GABRA3: variants seen among roughly 807,000 people sequenced by gnomAD.
The protein encoded by GABRA3 is gamma-aminobutyric acid type A receptor subunit alpha3.
A neutral mutation model predicts 30.1 loss-of-function variants in GABRA3; 10 were observed. That is an observed-to-expected ratio of 0.33 (90% confidence interval 0.20 to 0.56). The LOEUF (loss-of-function observed/expected upper bound fraction) is 0.56. Among genes scored for constraint, GABRA3 ranks in the 20% least tolerant of loss-of-function variants. The probability of loss-of-function intolerance (pLI) is 0.89; values close to 1 mark genes in which losing one functional copy is unlikely to be tolerated. For missense variants in GABRA3, 233 were observed against 392.0 expected, an observed-to-expected ratio of 0.59 and a Z score of 3.42; for synonymous variants, 151 against 146.8, an observed-to-expected ratio of 1.03 and a Z score of -0.21.
At chrX:152,229,559 T>C (rs747329443) in intron 5 of GABRA3, among the ~76,000 whole-genome samples, 4 of 110,340 alleles carry the variant, frequency 3.6e-5, no homozygotes, top group Non-Finnish European at 5.7e-5. Context: ...GGAAAGAGCA[T>C]TCAAGTTAGA....
intron 8 of GABRA3, among the ~76,000 whole-genome samples, chrX:152,197,211 T>C (rs757213121): frequency 2.7e-5 from 3 of 111,578 alleles, no homozygotes; most frequent in Non-Finnish European, 5.6e-5. Context: ...TAACTCATAC[T>C]TTCAAAAAGG....
intron 1 of GABRA3, among the ~76,000 whole-genome samples, chrX:152,373,114 T>C (rs1013790321): frequency 8.9e-6 from 1 of 112,031 alleles, no homozygotes; most frequent in African/African-American, 3.2e-5. Flanking sequence ...TTGTGGCGTT[T>C]CTGTATACTA....
chrX:152,258,540 T>C (rs745815150), intron 4 of GABRA3, among the ~76,000 whole-genome samples: 4 of 111,966 alleles, frequency 3.6e-5, no homozygotes, highest in African/African-American at 1.3e-4. Context: ...ATTTCCAGAA[T>C]TGTTGAAATA....
intron 3 of GABRA3, among the ~76,000 whole-genome samples, chrX:152,339,498 C>T (rs918935564): frequency 2.7e-5 from 3 of 111,569 alleles, no homozygotes; most frequent in Non-Finnish European, 3.8e-5. Flanking sequence ...GGATCACAGA[C>T]GTGAGCCACT....
At chrX:152,300,215 C>A (rs892926014) in intron 3 of GABRA3, among the ~76,000 whole-genome samples, 4 of 112,262 alleles carry the variant, frequency 3.6e-5, no homozygotes, top group Non-Finnish European at 5.6e-5. Flanking sequence ...ATAGCACAGA[C>A]TTTGATAATT....
At chrX:152,241,176 G>A (rs1163758533) in intron 5 of GABRA3, among the ~76,000 whole-genome samples, 5 of 98,802 alleles carry the variant, frequency 5.1e-5, no homozygotes, top group African/African-American at 7.1e-5. Context: ...ATGGGTTTTC[G>A]GTGTGGATGT....
At chrX:152,320,614 G>T (rs181140538) in intron 3 of GABRA3, among the ~76,000 whole-genome samples, 1 of 111,241 alleles carries the variant, frequency 9.0e-6, no homozygotes, top group Non-Finnish European at 1.9e-5. Context: ...TACAAATGGG[G>T]TTGAGTGTAT....
At chrX:152,345,745 T>A (rs201702146) in intron 2 of GABRA3, 43 bp from the exon 3 acceptor site, 5 of 1,119,634 alleles carry the variant, frequency 4.5e-6, no homozygotes, top group Non-Finnish European at 4.7e-6. Flanking sequence ...TAGTTCTTAA[T>A]AGGAAAAAAA....
intron 5 of GABRA3, among the ~76,000 whole-genome samples, chrX:152,233,632 G>C (rs1429692202): frequency 9.2e-6 from 1 of 109,110 alleles, no homozygotes; most frequent in African/African-American, 3.4e-5. Flanking sequence ...GTGGAAGTCG[G>C]TGTGGCGATT....
At chrX:152,409,440 A>G (rs901258739) in intron 1 of GABRA3, among the ~76,000 whole-genome samples, 6 of 111,780 alleles carry the variant, frequency 5.4e-5, no homozygotes, top group African/African-American at 2.0e-4. Flanking sequence ...CATTAGGGAA[A>G]CACTCCAGGA....
chrX:152,275,269 T>C (rs1382781820), intron 4 of GABRA3, among the ~76,000 whole-genome samples: 1 of 65,487 alleles, frequency 1.5e-5, no homozygotes, highest in Non-Finnish European at 2.5e-5. Context: ...ATATATAAAT[T>C]ATATATATAA....
Position 152,207,984 on chromosome X carries a change from TA to T in GABRA3, c.778+16del. On this transcript the variant is annotated intron_variant, in intron 7 of 9. Coordinates refer to ENST00000370314, the MANE Select transcript of GABRA3 (RefSeq NM_000808.4). ...ATAGGTTACAGAAATGTTTGTTAAA[TA>T]AAATAAGTTAAATACCTGTACTAGA... 8.3e-7 allele frequency: 1 copy of T among 1,199,845 alleles called. No homozygotes were observed.
chrX:152,198,414 C>T (rs760729131), intron 7 of GABRA3, among the ~76,000 whole-genome samples: 9 of 112,653 alleles, frequency 8.0e-5, no homozygotes, highest in East Asian at 2.8e-4. Context: ...GCACTTACTG[C>T]GCTTTTACTG....
intron 1 of GABRA3, among the ~76,000 whole-genome samples, chrX:152,387,346 T>C (rs1205032708): frequency 2.7e-5 from 3 of 111,449 alleles, no homozygotes; most frequent in Non-Finnish European, 5.7e-5. Context: ...TCATATAAAG[T>C]TCAAAAACAG....
chrX:152,347,999 A>G (rs186959184), intron 2 of GABRA3, among the ~76,000 whole-genome samples: 6 of 111,341 alleles, frequency 5.4e-5, no homozygotes, highest in African/African-American at 2.0e-4. Flanking sequence ...CCTGTCTAAA[A>G]TAAATAAATA....
chrX:152,251,236 T>G (rs934598108), intron 5 of GABRA3: 4 of 207,806 alleles, frequency 1.9e-5, no homozygotes, highest in Non-Finnish European at 3.8e-5. Context: ...GAACTTGACT[T>G]TCTTGTCCAA....
intron 5 of GABRA3, chrX:152,251,193 A>G (rs768511136): frequency 3.4e-6 from 1 of 293,217 alleles, no homozygotes; most frequent in East Asian, 1.1e-4. Flanking sequence ...CAGAATAAGC[A>G]CAAGGGCATT....
intron 3 of GABRA3, among the ~76,000 whole-genome samples, chrX:152,290,353 T>TG (rs1201084621): frequency 9.0e-6 from 1 of 111,652 alleles, no homozygotes; most frequent in Non-Finnish European, 1.9e-5. Context: ...CACTTTTTGA[T>TG]GGGGTTGTTT....
intron 3 of GABRA3, 55 bp from the exon 4 acceptor site, chrX:152,284,790 C>G (rs1396775101): frequency 2.2e-6 from 2 of 888,987 alleles, no homozygotes; most frequent in Non-Finnish European, 3.2e-6. Context: ...TGTCTTAGCT[C>G]AGAGAGAGTC....
Sources: allele counts gnomAD v4.1 joint callset (sites outside exome capture counted in the v4.1 genomes callset), GRCh38; gene constraint gnomAD v4.1.1; transcripts MANE v1.5; gene names NCBI Gene and HGNC (gene_info 2026-07-23, HGNC 2026-07-21).